The following HMGCL variants were observed in gnomAD, a reference collection of about 807,000 sequenced individuals.
HMGCL encodes the protein hydroxymethylglutaryl-CoA lyase, mitochondrial.
HMGCL carries 26 observed loss-of-function variants against 37.3 expected under a neutral mutation model. The ratio of observed to expected loss-of-function variants is 0.70; its 90% CI spans 0.51 to 0.97. The LOEUF is 0.97. Among genes scored for constraint, HMGCL ranks in the 50% least tolerant of loss-of-function variants. The pLI, the probability that HMGCL is intolerant of heterozygous loss-of-function variation, is 0.00. For synonymous variants in HMGCL, 151 were observed against 148.0 expected (o/e 1.02, Z -0.15); for missense variants, 379 against 398.1 (o/e 0.95, Z 0.41).
chr1:23,822,050 G>A (rs1271547537), intron 1 of HMGCL, among the ~76,000 whole-genome samples: 2 of 152,162 alleles, frequency 1.3e-5, no homozygotes, highest in Non-Finnish European at 2.9e-5. Flanking sequence ...AGCTCTTTGA[G>A]GGACCTTGTC....
At position 23,816,783 on chromosome 1, in the gene HMGCL, G is replaced by C; in HGVS notation, c.253-13C>G. The C allele has an allele frequency of 6.5e-7, 1 of 1,527,532 alleles. No homozygotes were observed. The highest frequency in any genetic ancestry group is 2.2e-5 in the East Asian group (1 of 44,504). The allele number at this position is 1,527,532 out of a possible 1,614,324, so 94.6% of individuals were successfully genotyped here. A position where few individuals can be genotyped will look rare whatever the true frequency, so the allele number is the denominator to read the frequency against. On this transcript the variant is annotated splice_polypyrimidine_tract_variant and intron_variant, in intron 3 of 8. Transcript: ENST00000374490. ...TGTGGTCACCCATCTAGGAACCAAG[G>C]GAGACATTGCCAAGTCATCACCAAG...
intron 1 of HMGCL, among the ~76,000 whole-genome samples, chr1:23,821,425 G>A (rs1638717446): frequency 6.6e-6 from 1 of 152,120 alleles, no homozygotes; most frequent in African/African-American, 2.4e-5. Context: ...GGAGGCCAAG[G>A]CAGGCAGATC....
Position 23,817,580 on chromosome 1 carries a change from T to C in HMGCL, c.148A>G (p.Ile50Val). The stretch of plus-strand genomic sequence containing the variant: ...TTGATTTTCACTGGAGTAGATACGA[T>C]ATTCTATAGTGGAGAGAGAAACACC... Reference protein sequence around the residue: ...PRDGLQNEKNIVSTPVKIKLI... With the variant: ...PRDGLQNEKNVVSTPVKIKLI... The change falls in exon 3 of 9, where the codon ATC becomes GTC. Residue 50 changes from isoleucine to valine, a missense_variant. Physicochemically the swap from Ile to Val is conservative, Grantham distance 29. Coordinates refer to ENST00000374490, the MANE Select transcript of HMGCL (RefSeq NM_000191.3). The C allele has an allele frequency of 6.3e-7, 1 of 1,591,130 alleles. No individual in the cohort carries two copies. The highest frequency in any genetic ancestry group is 1.3e-5 in the African/African-American group (1 of 74,558).
chr1:23,819,108 A>G (rs971828605), intron 2 of HMGCL, among the ~76,000 whole-genome samples: 5 of 152,026 alleles, frequency 3.3e-5, no homozygotes, highest in African/African-American at 9.7e-5. Flanking sequence ...TGCCAAAAAC[A>G]AAAGAAAACC....
intron 6 of HMGCL, 153 bp downstream of exon 6, chr1:23,810,583 G>A (rs1201046111): frequency 8.5e-6 from 6 of 705,938 alleles, no homozygotes. Context: ...GCAAGTGCAG[G>A]GCTGTGCTCA....
At position 23,808,291 on chromosome 1, in the gene HMGCL, G is replaced by A. The variant is rs139799938; in HGVS notation, c.594C>T (p.Tyr198=). 6.4e-5 allele frequency: 104 copies of A among 1,614,070 alleles called. 1 individual carries two copies. In the East Asian group the frequency reaches 1.4e-3, roughly 21 times the overall value. ...VTKKFYSMGC[Y]EISLGDTIGV... is the part of the protein sequence containing the mutation. The stretch of plus-strand genomic sequence containing the variant: ...CAATGGTGTCCCCCAGGGAGATCTC[G>A]TAGCAGCCCATTGAGTAGAACTTCT... Residue 198 remains tyrosine (Y), a synonymous_variant, in exon 7 of 9, where the codon TAC becomes TAT. Coordinates refer to ENST00000374490, the MANE Select transcript of HMGCL (RefSeq NM_000191.3).
At position 23,804,365 on chromosome 1, in the gene HMGCL, C is replaced by T. The variant is rs766596333; in HGVS notation, c.876+35G>A. On this transcript the variant is annotated intron_variant, in intron 8 of 8. Coordinates refer to ENST00000374490, the MANE Select transcript of HMGCL (RefSeq NM_000191.3). Reference sequence around the variant, plus strand: ...TCAGCTTCAGGCCCCCTGGTCAGTTCGGGGCTGTCGCCACCAGGGGGTGGG... The same window carrying T: ...TCAGCTTCAGGCCCCCTGGTCAGTTTGGGGCTGTCGCCACCAGGGGGTGGG... 48 of 1,613,832 alleles carry T rather than the reference C, an allele frequency of 3.0e-5. No homozygotes were observed. The South Asian group carries it at 3.3e-4, about 11-fold the overall frequency.
chr1:23,811,759 TG>T (rs1299707284), intron 5 of HMGCL, among the ~76,000 whole-genome samples: 1 of 152,174 alleles, frequency 6.6e-6, no homozygotes, highest in Non-Finnish European at 1.5e-5. Context: ...CTTAGGGCTA[TG>T]GTAAGGAGGG....
In HMGCL at chr1:23,817,486, C is replaced by T. The variant is rs2148424154; in HGVS notation, c.242G>A (p.Trp81Ter). The part of the protein sequence containing the change: ...IETTSFVSPK[W>*]VPQMGDHTEV... ...AGGGCTAGGGCTCACCTGGGGAACC[C>T]ACTTAGGAGACACAAAGCTGGTGGT... Residue 81 changes from tryptophan (W) to a stop codon, truncating the protein, a stop_gained, in exon 3 of 9, where the codon TGG (tryptophan) becomes TAG (stop). Coordinates refer to ENST00000374490, the MANE Select transcript of HMGCL (RefSeq NM_000191.3). LOFTEE classifies it high-confidence loss of function. 1 of 1,605,350 alleles carries T rather than the reference C, an allele frequency of 6.2e-7. No homozygotes were observed. Among genetic ancestry groups the T allele is most frequent in the East Asian group, 2.2e-5 (1 of 44,840 alleles).
intron 2 of HMGCL, 50 bp downstream of exon 2, chr1:23,820,460 C>T (rs757127029): frequency 1.6e-6 from 2 of 1,273,378 alleles, no homozygotes; most frequent in South Asian, 2.4e-5. Flanking sequence ...ACGTAATACT[C>T]AAAGCAGATG....
intron 4 of HMGCL, 39 bp from the exon 5 acceptor site, chr1:23,814,377 CT>C: frequency 6.2e-7 from 1 of 1,609,192 alleles, no homozygotes; most frequent in South Asian, 1.1e-5. Context: ...GCACTTTTCT[CT>C]TTTTTTGTTT....
At chr1:23,805,390 A>G (rs1638388694) in intron 7 of HMGCL, among the ~76,000 whole-genome samples, 1 of 152,150 alleles carries the variant, frequency 6.6e-6, no homozygotes. Context: ...ATTCAAAGCA[A>G]AGTCCCTCAA....
intron 7 of HMGCL, 125 bp downstream of exon 7, chr1:23,808,010 G>A: frequency 1.2e-6 from 1 of 848,592 alleles, no homozygotes; most frequent in Non-Finnish European, 2.0e-6. Flanking sequence ...CCATGACTGT[G>A]TCCACCATTG....
intron 1 of HMGCL, among the ~76,000 whole-genome samples, chr1:23,823,346 ATATTTATT>A (rs57499593): frequency 3.4e-5 from 5 of 147,844 alleles, no homozygotes; most frequent in Non-Finnish European, 4.5e-5. Flanking sequence ...AGCCATTTAC[ATATTTATT>A]TATTTATTTA....
chr1:23,817,860 G>A (rs560778852), intron 2 of HMGCL, among the ~76,000 whole-genome samples: 1 of 152,284 alleles, frequency 6.6e-6, no homozygotes, highest in East Asian at 1.9e-4. Context: ...TATGGGATGG[G>A]GCCCCCAAAG....
At chr1:23,811,642 C>T (rs1254624531) in intron 5 of HMGCL, among the ~76,000 whole-genome samples, 1 of 152,106 alleles carries the variant, frequency 6.6e-6, no homozygotes, top group Non-Finnish European at 1.5e-5. Context: ...ACAGAAGAGC[C>T]AGGCATGCTC....
chr1:23,823,462 C>A (rs892173305), intron 1 of HMGCL, among the ~76,000 whole-genome samples: 1 of 151,706 alleles, frequency 6.6e-6, no homozygotes, highest in African/African-American at 2.4e-5. Flanking sequence ...AAGTGATTCT[C>A]CTGCCTCAGC....
At chr1:23,802,599 T>C (rs1638304498) in intron 8 of HMGCL, 35 bp from the exon 9 acceptor site, 1 of 1,317,574 alleles carries the variant, frequency 7.6e-7, no homozygotes, top group Non-Finnish European at 1.1e-6. Context: ...CGGTAAGTCA[T>C]GGTATGCCCT....
intron 2 of HMGCL, among the ~76,000 whole-genome samples, chr1:23,819,143 C>T (rs1172422017): frequency 6.6e-6 from 1 of 151,494 alleles, no homozygotes; most frequent in Non-Finnish European, 1.5e-5. Context: ...CCAGTGATAA[C>T]GCTATTAACA....
Sources: allele counts gnomAD v4.1 joint callset (sites outside exome capture counted in the v4.1 genomes callset), GRCh38; gene constraint gnomAD v4.1.1; transcripts MANE v1.5; gene names NCBI Gene and HGNC (gene_info 2026-07-23, HGNC 2026-07-21).